The following NELL1 variants were observed in gnomAD, a reference collection of about 807,000 sequenced individuals.
NELL1 encodes neural EGFL like 1, also known as protein kinase C-binding protein NELL1.
Under a neutral mutation model 107.4 loss-of-function variants are expected in NELL1, and 76 were observed. The ratio of observed to expected loss-of-function variants is 0.71; its 90% CI spans 0.59 to 0.86. NELL1 has a LOEUF of 0.86. Among genes scored for constraint, NELL1 ranks in the 40% least tolerant of loss-of-function variants. The pLI is 0.00. For missense variants in NELL1, 1,024 were observed against 1,005.5 expected (o/e 1.02, Z -0.25); for synonymous variants, 353 against 341.2 (o/e 1.03, Z -0.38).
chr11:20,858,946 A>G (rs1044266229), intron 4 of NELL1, among the ~76,000 whole-genome samples: 42 of 152,316 alleles, frequency 2.8e-4, no homozygotes, highest in African/African-American at 9.6e-4. Context: ...ACCATTGCCC[A>G]GGGCAGAAGG....
chr11:21,066,789 A>T (rs1214622467), intron 12 of NELL1, among the ~76,000 whole-genome samples: 1 of 151,940 alleles, frequency 6.6e-6, no homozygotes, highest in Non-Finnish European at 1.5e-5. Context: ...CCTTGTCTCT[A>T]CTAAAAATAC....
At chr11:21,169,069 G>A (rs7110707) in intron 13 of NELL1, among the ~76,000 whole-genome samples, 16 of 151,988 alleles carry the variant, frequency 1.1e-4, no homozygotes, top group African/African-American at 3.9e-4. Flanking sequence ...ACCCGGGATT[G>A]CCTGAAGGAT....
intron 2 of NELL1, among the ~76,000 whole-genome samples, chr11:20,720,952 C>G (rs1855367209): frequency 6.6e-6 from 1 of 152,022 alleles, no homozygotes; most frequent in South Asian, 2.1e-4. Context: ...ACATCTTTTT[C>G]TCCTGGTCTT....
At chr11:21,243,348 T>A (rs1240596219) in intron 14 of NELL1, among the ~76,000 whole-genome samples, 1 of 152,106 alleles carries the variant, frequency 6.6e-6, no homozygotes, top group African/African-American at 2.4e-5. Flanking sequence ...AGGCCGTTTT[T>A]GCACATGTAA....
rs71063696 is a variant in NELL1, at chr11:21,299,511, A to ATGTGTGTGTGTG, written c.1549+70099_1549+70110dup. On this transcript the variant is annotated intron_variant, in intron 14 of 19. Coordinates refer to ENST00000357134, the MANE Select transcript of NELL1 (RefSeq NM_006157.5). ...AAATTTCAACATTTTATTGTCTTAT[A>ATGTGTGTGTGTG]TGTGTGTGTGTGTGTGTGTGTGTGT... 1.0e-3 allele frequency among the ~76,000 whole-genome samples: 140 copies of ATGTGTGTGTGTG among 136,482 alleles called. 3 individuals are homozygous for ATGTGTGTGTGTG. The highest frequency in any genetic ancestry group is 7.5e-4 in the South Asian group (3 of 4,010). The allele number at this position is 136,482 out of a possible 152,430, so 89.5% of individuals were successfully genotyped here. A position where few individuals can be genotyped will look rare whatever the true frequency, so the allele number is the denominator to read the frequency against.
At chr11:21,282,670 A>G (rs1423620173) in intron 14 of NELL1, among the ~76,000 whole-genome samples, 2 of 152,154 alleles carry the variant, frequency 1.3e-5, no homozygotes, top group Admixed American at 6.6e-5. Context: ...TCCCACTGCT[A>G]GGTATATACC....
At chr11:21,267,221 C>A (rs1848653137) in intron 14 of NELL1, among the ~76,000 whole-genome samples, 1 of 151,966 alleles carries the variant, frequency 6.6e-6, no homozygotes, top group Admixed American at 6.6e-5. Flanking sequence ...ACAAAGTGAT[C>A]ATTCAAATAG....
chr11:21,000,635 A>G (rs1269586362), intron 12 of NELL1, among the ~76,000 whole-genome samples: 2 of 152,248 alleles, frequency 1.3e-5, no homozygotes, highest in African/African-American at 2.4e-5. Context: ...ATTTATCTCA[A>G]TGGAGTACAT....
chr11:21,061,438 AAAG>A (rs749792015), intron 12 of NELL1, among the ~76,000 whole-genome samples: 10 of 152,300 alleles, frequency 6.6e-5, no homozygotes, highest in African/African-American at 1.4e-4. Flanking sequence ...ACCAGATAAA[AAAG>A]AAGGAGAAAG....
chr11:20,900,765 G>A (rs182854013), intron 5 of NELL1, among the ~76,000 whole-genome samples: 6 of 152,222 alleles, frequency 3.9e-5, no homozygotes, highest in African/African-American at 1.4e-4. Context: ...ATGTATGCGT[G>A]TGTGTCTGGG....
At chr11:20,680,842 T>C (rs960700329) in intron 2 of NELL1, among the ~76,000 whole-genome samples, 88 of 152,154 alleles carry the variant, frequency 5.8e-4, no homozygotes, top group Non-Finnish European at 2.9e-5. Context: ...CATTGTGTCC[T>C]CTCTCAGTCT....
In NELL1 at chr11:21,557,824, A is replaced by G. The variant is rs553142232; in HGVS notation, c.1787-2365A>G. On this transcript the variant is annotated intron_variant, in intron 16 of 19. Transcript: ENST00000357134. ...GCAAAGTAGGCATTATAATAGTCTC[A>G]GTCTGTGGATTTCCTAAGAAAGTTA... 3.3e-5 allele frequency among the ~76,000 whole-genome samples: 5 copies of G among 152,158 alleles called. No homozygotes were observed. The South Asian group carries it at 6.2e-4, about 19-fold the overall frequency.
rs1590660337 is a variant in NELL1 at position 21,125,969 on chromosome 11, A to G, written c.1426+12255A>G. Reference sequence around the variant, plus strand: ...TCCTTCTAGAATCTTACAAGGAGTGAATGAGAGAATATTTGTAAAGTGCTT... The same window carrying G: ...TCCTTCTAGAATCTTACAAGGAGTGGATGAGAGAATATTTGTAAAGTGCTT... On this transcript the variant is annotated intron_variant, in intron 13 of 19. Coordinates refer to ENST00000357134, the MANE Select transcript of NELL1 (RefSeq NM_006157.5). 2.6e-5 allele frequency among the ~76,000 whole-genome samples: 4 copies of G among 152,338 alleles called. No homozygotes were observed. The South Asian group carries it at 8.3e-4, about 32-fold the overall frequency.
At position 21,221,014 on chromosome 11, in the gene NELL1, A is replaced by G. The variant is rs181035222; in HGVS notation, c.1427-8318A>G. 4.8e-4 allele frequency among the ~76,000 whole-genome samples: 73 copies of G among 152,204 alleles called. No homozygotes were observed. In the Middle Eastern group the frequency reaches 0.024, roughly 50 times the overall value. On this transcript the variant is annotated intron_variant, in intron 13 of 19. Transcript: ENST00000357134. ...TGATGTCAGCTATGGGCTTGCCTAT[A>G]TGGTCTTTATTGTGTCTGGGTATGC...
chr11:20,906,682 A>G (rs1406637417), intron 5 of NELL1, among the ~76,000 whole-genome samples: 2 of 152,094 alleles, frequency 1.3e-5, no homozygotes, highest in Non-Finnish European at 2.9e-5. Flanking sequence ...AGAATGGTTT[A>G]ACATAAGAAA....
intron 12 of NELL1, among the ~76,000 whole-genome samples, chr11:21,025,829 T>C (rs1852802508): frequency 6.6e-6 from 1 of 152,162 alleles, no homozygotes; most frequent in South Asian, 2.1e-4. Context: ...GCTCCAGTTA[T>C]TCCCCAACAA....
chr11:21,050,570 C>G (rs1853468107), intron 12 of NELL1, among the ~76,000 whole-genome samples: 2 of 152,170 alleles, frequency 1.3e-5, no homozygotes, highest in Admixed American at 1.3e-4. Context: ...CATAAATATT[C>G]AGACCCATAT....
intron 15 of NELL1, among the ~76,000 whole-genome samples, chr11:21,387,362 A>G (rs1018777712): frequency 1.3e-5 from 2 of 151,678 alleles, no homozygotes; most frequent in African/African-American, 4.8e-5. Flanking sequence ...TCTTCCTCCC[A>G]CTTGATGGTC....
At chr11:21,272,129 G>A (rs187109823) in intron 14 of NELL1, among the ~76,000 whole-genome samples, 2 of 152,320 alleles carry the variant, frequency 1.3e-5, no homozygotes, top group East Asian at 1.9e-4. Context: ...GAAGCGCAAG[G>A]GGTCAGGGAA....
Sources: allele counts gnomAD v4.1 joint callset (sites outside exome capture counted in the v4.1 genomes callset), GRCh38; gene constraint gnomAD v4.1.1; transcripts MANE v1.5; gene names NCBI Gene and HGNC (gene_info 2026-07-23, HGNC 2026-07-21).